MAGI2: variants seen among roughly 807,000 people sequenced by gnomAD.
The protein encoded by MAGI2 is membrane associated guanylate kinase, WW and PDZ domain containing 2, also known as membrane-associated guanylate kinase, WW and PDZ domain-containing protein 2.
MAGI2 carries 35 observed loss-of-function variants against 133.3 expected under a neutral mutation model. The observed-to-expected ratio is 0.26, with a 90% CI of 0.20 to 0.35. The LOEUF (loss-of-function observed/expected upper bound fraction) is 0.35. Ranked by LOEUF, MAGI2 falls within the 10% of genes least tolerant of loss-of-function variation. The probability of loss-of-function intolerance (pLI) is 1.00; values close to 1 mark genes in which losing one functional copy is unlikely to be tolerated. For missense variants in MAGI2, 1,636 were observed against 1,863.4 expected, an observed-to-expected ratio of 0.88 and a Z score of 2.25; for synonymous variants, 729 against 710.6, an observed-to-expected ratio of 1.03 and a Z score of -0.41.
chr7:78,099,445 T>C (rs900450012), intron 20 of MAGI2, among the ~76,000 whole-genome samples: 14 of 152,220 alleles, frequency 9.2e-5, no homozygotes, highest in Non-Finnish European at 1.8e-4. Flanking sequence ...TGAGTGTGCA[T>C]TGAATTAAAC....
At chr7:78,754,983 A>G (rs539102507) in intron 2 of MAGI2, among the ~76,000 whole-genome samples, 1 of 152,294 alleles carries the variant, frequency 6.6e-6, no homozygotes, top group East Asian at 1.9e-4. Context: ...ACCTTGACGG[A>G]TGGTCTCTAT....
chr7:78,540,409 G>T (rs76550071), intron 3 of MAGI2, among the ~76,000 whole-genome samples: 1 of 152,122 alleles, frequency 6.6e-6, no homozygotes, highest in Non-Finnish European at 1.5e-5. Context: ...TAGCCAGGCA[G>T]GCCAGTCTCA....
chr7:79,039,850 ATATAT>A (rs1054560298), intron 1 of MAGI2, among the ~76,000 whole-genome samples: 1 of 144,300 alleles, frequency 6.9e-6, no homozygotes, highest in African/African-American at 2.5e-5. Context: ...ATATATACAT[ATATAT>A]TATATATATA....
chr7:79,007,172 G>A lies in MAGI2; in HGVS notation c.336C>T (p.Leu112=). The A allele has an allele frequency of 6.2e-7, 1 of 1,612,240 alleles. No homozygotes were observed. Among genetic ancestry groups the A allele is most frequent in the South Asian group, 1.1e-5 (1 of 90,568 alleles). The change falls in exon 2 of 22, where the codon CTC becomes CTT. Residue 112 remains leucine, a synonymous_variant. Transcript: ENST00000354212. ...CAGAACCCTTTTGAAATCGTAAGTTGAGGTAGTGACGAAGGTCTTTATCAA... is the reference window on the plus strand; with the variant it reads ...CAGAACCCTTTTGAAATCGTAAGTTAAGGTAGTGACGAAGGTCTTTATCAA... ...GIVDKDLRHY[L]NLRFQKGSVD...
At chr7:78,041,743 T>C (rs1273113006) in intron 21 of MAGI2, among the ~76,000 whole-genome samples, 1 of 152,188 alleles carries the variant, frequency 6.6e-6, no homozygotes, top group African/African-American at 2.4e-5. Flanking sequence ...GAATGCCAGT[T>C]GGTGGGCTGT....
At chr7:79,324,930 G>A (rs1839573312) in intron 1 of MAGI2, among the ~76,000 whole-genome samples, 1 of 151,028 alleles carries the variant, frequency 6.6e-6, no homozygotes, top group South Asian at 2.1e-4. Flanking sequence ...TATAAAATAG[G>A]AAAATTTGCA....
At chr7:78,526,923 G>A (rs144367786) in intron 3 of MAGI2, among the ~76,000 whole-genome samples, 10,518 of 142,662 alleles carry the variant, frequency 0.074, 494 homozygotes, top group Non-Finnish European at 0.11. Flanking sequence ...CAGGAGAATC[G>A]CTTGAACCTG....
chr7:78,612,808 T>A (rs537725898), intron 3 of MAGI2, among the ~76,000 whole-genome samples: 2 of 151,256 alleles, frequency 1.3e-5, no homozygotes, highest in Non-Finnish European at 1.5e-5. Context: ...AAGCTGGGAC[T>A]ACAGGCGCCC....
In MAGI2 at chr7:79,445,649, T is replaced by TAAAAAGTCAGGAA. The variant is rs1173916208; in HGVS notation, c.301+7358_301+7370dup. ...TCACACCAGTTAGAATGGCAACCAT[T>TAAAAAGTCAGGAA]AAAAAGTCAGGAAACAACAGGCGCT... On this transcript the variant is annotated intron_variant, in intron 1 of 21. Transcript: ENST00000354212. Among the ~76,000 whole-genome samples, 6 of 152,134 alleles carry TAAAAAGTCAGGAA rather than the reference T, an allele frequency of 3.9e-5. No homozygotes were observed. In the East Asian group the frequency reaches 1.2e-3, roughly 29 times the overall value.
chr7:78,219,873 C>T (rs1788636460), intron 10 of MAGI2, among the ~76,000 whole-genome samples: 2 of 152,302 alleles, frequency 1.3e-5, no homozygotes, highest in South Asian at 2.1e-4. Context: ...GCCTATAGTA[C>T]TGTAAATGAC....
chr7:78,541,251 C>T lies in MAGI2; in HGVS notation c.539-19606G>A, dbSNP rs149478795. 1.7e-4 allele frequency among the ~76,000 whole-genome samples: 26 copies of T among 152,226 alleles called. No individual in the cohort carries two copies. The East Asian group carries it at 4.4e-3, about 26-fold the overall frequency. ...GTCTTAATTTTTTGAAAGAATTACC[C>T]TTTTAAAAAGTCTTAATAGATATCA... On this transcript the variant is annotated intron_variant, in intron 3 of 21. Transcript: ENST00000354212.
chr7:78,968,231 G>A (rs1462484571), intron 2 of MAGI2, among the ~76,000 whole-genome samples: 1 of 151,970 alleles, frequency 6.6e-6, no homozygotes, highest in Non-Finnish European at 1.5e-5. Context: ...TTGGCTCTGT[G>A]GGGTCCTTTA....
intron 2 of MAGI2, among the ~76,000 whole-genome samples, chr7:78,796,079 A>C (rs2151378339): frequency 6.6e-6 from 1 of 152,186 alleles, no homozygotes; most frequent in African/African-American, 2.4e-5. Flanking sequence ...TCTGGGGAAA[A>C]ATTTTTGGGG....
At chr7:78,143,908 A>G (rs113460953) in intron 16 of MAGI2, among the ~76,000 whole-genome samples, 1 of 149,704 alleles carries the variant, frequency 6.7e-6, no homozygotes, top group Non-Finnish European at 1.5e-5. Flanking sequence ...TTTTTCTTTC[A>G]CTTATAGTCC....
At chr7:78,224,998 C>G (rs552290305) in intron 10 of MAGI2, among the ~76,000 whole-genome samples, 3 of 152,246 alleles carry the variant, frequency 2.0e-5, no homozygotes, top group African/African-American at 7.2e-5. Flanking sequence ...TCACCTCCAA[C>G]TTACACAGAA....
At position 79,028,358 on chromosome 7, in the gene MAGI2, C is replaced by CACAT. The variant is rs1359023788; in HGVS notation, c.302-21153_302-21152insATGT. 1.4e-3 allele frequency among the ~76,000 whole-genome samples: 188 copies of CACAT among 136,336 alleles called. 3 individuals are homozygous for CACAT. Among genetic ancestry groups the CACAT allele is most frequent in the African/African-American group, 4.8e-3 (175 of 36,408 alleles). 89.4% of individuals were successfully genotyped at this position (136,336 alleles called of 152,430 possible). A position where few individuals can be genotyped will look rare whatever the true frequency, so the allele number is the denominator to read the frequency against. On this transcript the variant is annotated intron_variant, in intron 1 of 21. Coordinates refer to ENST00000354212, the MANE Select transcript of MAGI2 (RefSeq NM_012301.4). ...ATATACACACACACACACACACATA[C>CACAT]ACACACACACACATGCATACGCATC...
At chr7:78,108,644 G>C (rs1163158540) in intron 20 of MAGI2, among the ~76,000 whole-genome samples, 2 of 13,072 alleles carry the variant, frequency 1.5e-4, no homozygotes, top group Non-Finnish European at 4.1e-4. Context: ...CTCTCTGTAT[G>C]TGTGTGTGTG....
chr7:78,617,244 G>T (rs1807202209), intron 3 of MAGI2: 1 of 152,076 alleles, frequency 6.6e-6, no homozygotes, highest in African/African-American at 2.4e-5. Flanking sequence ...CAGAAAGCAG[G>T]CCAGTATAGC....
chr7:78,390,491 G>A (rs867553737), intron 6 of MAGI2, among the ~76,000 whole-genome samples: 2 of 152,202 alleles, frequency 1.3e-5, no homozygotes, highest in Middle Eastern at 3.4e-3. Flanking sequence ...GGGGTCCATC[G>A]TATAGTTCTC....
Sources: gnomAD v4.1 joint callset for allele counts (sites outside exome capture counted in the v4.1 genomes callset) on GRCh38, gnomAD v4.1.1 for gene constraint, MANE v1.5 for transcripts, NCBI Gene and HGNC (gene_info 2026-07-23, HGNC 2026-07-21) for gene names.